The following CARMIL1 variants were observed in gnomAD, a reference collection of about 807,000 sequenced individuals.
CARMIL1 encodes the protein capping protein regulator and myosin 1 linker 1, also known as F-actin-uncapping protein LRRC16A.
Under a neutral mutation model 177.1 loss-of-function variants are expected in CARMIL1, and 90 were observed. The observed-to-expected ratio is 0.51, with a 90% CI of 0.43 to 0.61. CARMIL1 has a LOEUF of 0.61. Among genes scored for constraint, CARMIL1 ranks in the 20% least tolerant of loss-of-function variants. CARMIL1 has a pLI of 0.00. For synonymous variants in CARMIL1, 577 were observed against 606.2 expected, an observed-to-expected ratio of 0.95 and a Z score of 0.71; for missense variants, 1,380 against 1,667.0, an observed-to-expected ratio of 0.83 and a Z score of 3.00.
At chr6:25,448,916 CTT>C (rs36000360) in intron 5 of CARMIL1, among the ~76,000 whole-genome samples, 57 of 126,404 alleles carry the variant, frequency 4.5e-4, no homozygotes, top group Admixed American at 4.8e-4. Context: ...AGGGATTCTT[CTT>C]TTTTTTTTTT....
chr6:25,385,393 C>G (rs1647664107), intron 2 of CARMIL1, among the ~76,000 whole-genome samples: 1 of 152,170 alleles, frequency 6.6e-6, no homozygotes, highest in Non-Finnish European at 1.5e-5. Flanking sequence ...AAGAATCCCT[C>G]TGGTGGCTCT....
intron 23 of CARMIL1, among the ~76,000 whole-genome samples, chr6:25,526,545 T>A (rs1379707158): frequency 6.6e-6 from 1 of 151,412 alleles, no homozygotes; most frequent in African/African-American, 2.4e-5. Flanking sequence ...CCTCTCCTTC[T>A]CTTCTGTTCT....
rs983118562 is a variant in CARMIL1 at position 25,620,437 on chromosome 6, A to G, written c.*854A>G. The stretch of plus-strand genomic sequence containing the variant: ...TGTAAAAATCAAAATACTACTCTTT[A>G]TAAGACATTTCACAAATATTCACTT... On this transcript the variant is annotated 3_prime_UTR_variant, in exon 37 of 37. Coordinates refer to ENST00000329474, the MANE Select transcript of CARMIL1 (RefSeq NM_017640.6). 1.5e-4 allele frequency: 23 copies of G among 152,214 alleles called. No individual in the cohort carries two copies. The highest frequency in any genetic ancestry group is 2.4e-4 in the Non-Finnish European group (16 of 68,046). The allele number at this position is 152,214 out of a possible 1,614,324, so 9.4% of individuals were successfully genotyped here.
At chr6:25,377,694 T>C (rs958986002) in intron 2 of CARMIL1, among the ~76,000 whole-genome samples, 1 of 152,180 alleles carries the variant, frequency 6.6e-6, no homozygotes, top group African/African-American at 2.4e-5. Context: ...ACTGGTCACA[T>C]GGACAGACTC....
At chr6:25,423,314 G>T (rs142711041) in intron 3 of CARMIL1, among the ~76,000 whole-genome samples, 102 of 152,298 alleles carry the variant, frequency 6.7e-4, no homozygotes, top group African/African-American at 2.5e-3. Flanking sequence ...CACTTCTGCA[G>T]TCACACCCAG....
chr6:25,541,148 G>A (rs1808851211), intron 26 of CARMIL1, among the ~76,000 whole-genome samples: 1 of 152,068 alleles, frequency 6.6e-6, no homozygotes, highest in Non-Finnish European at 1.5e-5. Flanking sequence ...ATTTTTAACT[G>A]TAGAAAATGA....
intron 24 of CARMIL1, among the ~76,000 whole-genome samples, chr6:25,534,859 G>T (rs1808131568): frequency 6.6e-6 from 1 of 152,108 alleles, no homozygotes; most frequent in African/African-American, 2.4e-5. Context: ...TCTCTTGAAT[G>T]GAATAAAGAA....
chr6:25,517,457 C>T, intron 22 of CARMIL1, 42 bp downstream of exon 22: 2 of 1,498,066 alleles, frequency 1.3e-6, no homozygotes, highest in Non-Finnish European at 1.9e-6. Context: ...AATAAAAAAA[C>T]AAAAACCAAT....
intron 2 of CARMIL1, among the ~76,000 whole-genome samples, chr6:25,401,709 C>T (rs1013704739): frequency 6.6e-6 from 1 of 152,194 alleles, no homozygotes; most frequent in East Asian, 1.9e-4. Context: ...ACAAATGTTG[C>T]CCTGTCATTT....
At chr6:25,492,114 A>C in intron 15 of CARMIL1, 90 bp downstream of exon 15, 1 of 1,069,862 alleles carries the variant, frequency 9.3e-7, no homozygotes, top group Non-Finnish European at 1.4e-6. Context: ...ATAAAGGGTG[A>C]ATGTTGTATA....
chr6:25,599,677 C>T (rs577145405), intron 32 of CARMIL1, among the ~76,000 whole-genome samples: 1 of 152,116 alleles, frequency 6.6e-6, no homozygotes, highest in Admixed American at 6.5e-5. Flanking sequence ...ATGCAAGTGC[C>T]GACAGCTTGG....
chr6:25,502,745 G>T (rs181579931), intron 17 of CARMIL1, among the ~76,000 whole-genome samples: 1 of 152,218 alleles, frequency 6.6e-6, no homozygotes, highest in Admixed American at 6.5e-5. Flanking sequence ...TTAATTATAG[G>T]TAAACTGAGG....
intron 2 of CARMIL1, among the ~76,000 whole-genome samples, chr6:25,304,270 T>C (rs1783091005): frequency 6.6e-6 from 1 of 152,186 alleles, no homozygotes; most frequent in African/African-American, 2.4e-5. Context: ...AATGTGCTTA[T>C]TGTGAGGGTG....
chr6:25,519,803 T>C (rs1332626000), intron 22 of CARMIL1, among the ~76,000 whole-genome samples: 1 of 152,236 alleles, frequency 6.6e-6, no homozygotes, highest in Non-Finnish European at 1.5e-5. Flanking sequence ...TTTCTGTTTT[T>C]TTCCTTTACC....
intron 2 of CARMIL1, among the ~76,000 whole-genome samples, chr6:25,316,601 G>A (rs1366478679): frequency 6.6e-6 from 1 of 151,944 alleles, no homozygotes; most frequent in Non-Finnish European, 1.5e-5. Context: ...TAGTAGAGAC[G>A]GGGTTTCATC....
At position 25,463,573 on chromosome 6, in the gene CARMIL1, C is replaced by T. The variant is rs145533423; in HGVS notation, c.615-2300C>T. ...GTTCTGAAGTGTGGTCACTCCTTGA[C>T]ATTAAATCCACAAAAAAGATGAGAC... On this transcript the variant is annotated intron_variant, in intron 8 of 36. Coordinates refer to ENST00000329474, the MANE Select transcript of CARMIL1 (RefSeq NM_017640.6). Among the ~76,000 whole-genome samples the T allele has an allele frequency of 2.2e-4, 34 of 152,122 alleles. No homozygotes were observed. In the East Asian group the frequency reaches 6.6e-3, roughly 29 times the overall value.
At chr6:25,523,842 A>G (rs1806820448) in intron 23 of CARMIL1, among the ~76,000 whole-genome samples, 1 of 152,232 alleles carries the variant, frequency 6.6e-6, no homozygotes, top group Non-Finnish European at 1.5e-5. Flanking sequence ...TAGTAGGATA[A>G]TAACTTACAG....
At chr6:25,607,263 A>G (rs1486611332) in intron 35 of CARMIL1, among the ~76,000 whole-genome samples, 1 of 152,096 alleles carries the variant, frequency 6.6e-6, no homozygotes, top group Non-Finnish European at 1.5e-5. Context: ...TCAAACATAT[A>G]CAAAAGTAGG....
chr6:25,376,462 AT>A (rs1357117283), intron 2 of CARMIL1, among the ~76,000 whole-genome samples: 1 of 151,988 alleles, frequency 6.6e-6, no homozygotes, highest in South Asian at 2.1e-4. Flanking sequence ...TGACTTAAAA[AT>A]TTTTTTTCTC....
Sources: allele counts gnomAD v4.1 joint callset (sites outside exome capture counted in the v4.1 genomes callset), GRCh38; gene constraint gnomAD v4.1.1; transcripts MANE v1.5; gene names NCBI Gene and HGNC (gene_info 2026-07-23, HGNC 2026-07-21).